The following STAG2 variants were observed in gnomAD, a reference collection of about 807,000 sequenced individuals.
The protein encoded by STAG2 is cohesin subunit SA-2.
Under a neutral mutation model 108.1 loss-of-function variants are expected in STAG2, and 14 were observed. The ratio of observed to expected loss-of-function variants is 0.13; its 90% CI spans 0.09 to 0.20. The LOEUF (loss-of-function observed/expected upper bound fraction) is 0.20, where lower values mean the gene tolerates loss of function less well. STAG2 is among the 10% of genes least tolerant of loss of function. STAG2 has a pLI of 1.00. For synonymous variants in STAG2, 307 were observed against 302.7 expected, an observed-to-expected ratio of 1.01 and a Z score of -0.15; for missense variants, 440 against 940.9, an observed-to-expected ratio of 0.47 and a Z score of 6.96.
chrX:124,013,113 T>G (rs2056576351), intron 1 of STAG2, among the ~76,000 whole-genome samples: 1 of 111,696 alleles, frequency 9.0e-6, no homozygotes, highest in African/African-American at 3.3e-5. Flanking sequence ...GTATACCATT[T>G]AACCCTTCTT....
intron 13 of STAG2, among the ~76,000 whole-genome samples, chrX:124,055,376 C>T (rs1243577572): frequency 8.9e-6 from 1 of 112,041 alleles, no homozygotes; most frequent in Non-Finnish European, 1.9e-5. Flanking sequence ...ATATATATCA[C>T]AGTAGACTAG....
At chrX:124,039,463 G>A (rs2057630953) in intron 6 of STAG2, among the ~76,000 whole-genome samples, 2 of 109,236 alleles carry the variant, frequency 1.8e-5, no homozygotes, top group Non-Finnish European at 3.8e-5. Flanking sequence ...TTTATTTTTC[G>A]TAGAGACAGA....
intron 1 of STAG2, among the ~76,000 whole-genome samples, chrX:123,991,666 CT>C (rs368753514): frequency 1.7e-3 from 156 of 94,517 alleles, no homozygotes; most frequent in Middle Eastern, 6.3e-3. Flanking sequence ...CAACTATTTT[CT>C]TTTTTTTTTT....
At chrX:124,087,857 A>AT (rs1291537328) in intron 30 of STAG2, among the ~76,000 whole-genome samples, 1 of 112,065 alleles carries the variant, frequency 8.9e-6, no homozygotes, top group African/African-American at 3.2e-5. Context: ...TTAAAACTTG[A>AT]TTGTCCTATG....
At chrX:124,034,031 A>G (rs2057429978) in intron 5 of STAG2, among the ~76,000 whole-genome samples, 1 of 111,464 alleles carries the variant, frequency 9.0e-6, no homozygotes, top group Non-Finnish European at 1.9e-5. Context: ...ACAGTTCAAC[A>G]TACAGTTTGA....
rs181729803 is a variant in STAG2, at chrX:124,072,269, T to C, written c.2533+946T>C. On this transcript the variant is annotated intron_variant, in intron 25 of 34. Coordinates refer to ENST00000371145, the MANE Select transcript of STAG2 (RefSeq NM_001042750.2). Reference sequence around the variant, plus strand: ...ATCTTCTTGCCTCGGCCTCCCAAACTGTGAAGTTAAAACTTAAAGGAAAAT... The same window carrying C: ...ATCTTCTTGCCTCGGCCTCCCAAACCGTGAAGTTAAAACTTAAAGGAAAAT... Among the ~76,000 whole-genome samples, 4 of 111,780 alleles carry C rather than the reference T, an allele frequency of 3.6e-5. No individual in the cohort carries two copies. In the East Asian group the frequency reaches 1.1e-3, roughly 31 times the overall value.
intron 1 of STAG2, among the ~76,000 whole-genome samples, chrX:123,999,347 C>T (rs755907850): frequency 9.0e-6 from 1 of 111,125 alleles, no homozygotes; most frequent in African/African-American, 3.3e-5. Flanking sequence ...CACATTTCTC[C>T]AAGTATTCAT....
intron 1 of STAG2, among the ~76,000 whole-genome samples, chrX:123,962,632 T>C (rs2053921758): frequency 9.0e-6 from 1 of 111,568 alleles, no homozygotes; most frequent in Non-Finnish European, 1.9e-5. Context: ...TTCTCTTGGA[T>C]GTAGTTTTTA....
chrX:123,977,832 G>GTTTTTT (rs35569156), intron 1 of STAG2, among the ~76,000 whole-genome samples: 1 of 38,559 alleles, frequency 2.6e-5, no homozygotes, highest in Non-Finnish European at 4.3e-5. Flanking sequence ...GTTCCCAAGT[G>GTTTTTT]TTTTTTTTTT....
intron 1 of STAG2, among the ~76,000 whole-genome samples, chrX:123,981,871 GCA>G (rs2054894435): frequency 9.0e-6 from 1 of 111,353 alleles, no homozygotes; most frequent in Admixed American, 9.6e-5. Flanking sequence ...AAAACGTTAA[GCA>G]CAGAGTGCCG....
intron 1 of STAG2, among the ~76,000 whole-genome samples, chrX:123,986,883 T>C (rs2055211410): frequency 1.8e-5 from 2 of 110,836 alleles, no homozygotes; most frequent in African/African-American, 3.3e-5. Flanking sequence ...AAACAGGGCC[T>C]GCGCAGTTTT....
At chrX:124,036,200 G>A (rs781619251) in intron 5 of STAG2, among the ~76,000 whole-genome samples, 20 of 111,778 alleles carry the variant, frequency 1.8e-4, no homozygotes, top group Non-Finnish European at 3.4e-4. Flanking sequence ...TGTAATCATA[G>A]TATCTTTTTT....
intron 1 of STAG2, among the ~76,000 whole-genome samples, chrX:124,008,226 T>A (rs2056374957): frequency 9.3e-6 from 1 of 107,418 alleles, no homozygotes; most frequent in Non-Finnish European, 1.9e-5. Flanking sequence ...TTTTTTTTTT[T>A]TTTTGAGATG....
chrX:124,083,524 C>T lies in STAG2; in HGVS notation c.3028C>T (p.Leu1010=), dbSNP rs1390765070. The part of the protein sequence containing the change: ...LDILSEFSSK[L]LRQDKRTVYV... Reference sequence around the variant, plus strand: ...TATTCTGAGTGAATTTTCTTCTAAACTACTTCGACAAGACAAAAGAACAGT... The same window carrying T: ...TATTCTGAGTGAATTTTCTTCTAAATTACTTCGACAAGACAAAAGAACAGT... Residue 1010 remains leucine (L), a synonymous_variant, in exon 29 of 35, where the codon CTA becomes TTA. Transcript: ENST00000371145. 1.7e-6 allele frequency: 2 copies of T among 1,191,924 alleles called. No homozygotes were observed. The highest frequency in any genetic ancestry group is 2.3e-5 in the Admixed American group (1 of 44,195).
intron 9 of STAG2, among the ~76,000 whole-genome samples, chrX:124,047,846 A>C (rs966027350): frequency 8.9e-6 from 1 of 112,109 alleles, no homozygotes; most frequent in Non-Finnish European, 1.9e-5. Flanking sequence ...TTTGGAAAAT[A>C]AAATCACTTT....
intron 16 of STAG2, 28 bp from the exon 17 acceptor site, chrX:124,061,743 C>CTTTTG: frequency 2.1e-6 from 1 of 478,286 alleles, no homozygotes; most frequent in Non-Finnish European, 3.0e-6. Flanking sequence ...CTCTTTCTGA[C>CTTTTG]TTTTTTTTTT....
intron 5 of STAG2, 88 bp downstream of exon 5, chrX:124,031,213 C>A: frequency 1.1e-6 from 1 of 932,454 alleles, no homozygotes; most frequent in African/African-American, 2.0e-5. Flanking sequence ...TTTCTAATTG[C>A]ATTTTAAACA....
At position 124,037,563 on chromosome X, in the gene STAG2, G is replaced by T; in HGVS notation, c.325G>T (p.Asp109Tyr). 3 of 1,190,896 alleles carry T rather than the reference G, an allele frequency of 2.5e-6. No homozygotes were observed. The South Asian group carries it at 5.4e-5, about 22-fold the overall frequency. ...VDDWIESYKH[D>Y]RDIALLDLIN... ...TGATTGGATAGAATCATACAAGCAT[G>T]ACCGAGATATAGCACTTCTTGACCT... Residue 109 changes from aspartate to tyrosine, a missense_variant, in exon 6 of 35, where the codon GAC (aspartate) becomes TAC (tyrosine). Physicochemically the swap from Asp to Tyr is radical, Grantham distance 160. Around this residue, in one of 3 missense-constraint regions of STAG2, gnomAD observed 69 missense variants for 254.9 expected, o/e 0.27. Transcript: ENST00000371145.
Position 124,011,102 on chromosome X carries a change from C to T in STAG2, c.-162-10265C>T, listed in dbSNP as rs186504423. ...TAGTTTTCAGTGTACAAGTCTTCTA[C>T]GTGCTTGGTTAGGTTTAGTATTTTA... On this transcript the variant is annotated intron_variant, in intron 1 of 34. Transcript: ENST00000371145. 1.4e-4 allele frequency among the ~76,000 whole-genome samples: 16 copies of T among 111,130 alleles called. No homozygotes were observed. The East Asian group carries it at 3.4e-3, about 23-fold the overall frequency.
Sources: gnomAD v4.1 joint callset for allele counts (sites outside exome capture counted in the v4.1 genomes callset) on GRCh38, gnomAD v4.1.1 for gene constraint, gnomAD v4.1.1 regional missense constraint, MANE v1.5 for transcripts, NCBI Gene and HGNC (gene_info 2026-07-23, HGNC 2026-07-21) for gene names.